GPN1: variants seen among roughly 807,000 people sequenced by gnomAD.
The protein encoded by GPN1 is GPN-loop GTPase 1.
A neutral mutation model predicts 55.9 loss-of-function variants in GPN1; 44 were observed. The ratio of observed to expected loss-of-function variants is 0.79; its 90% CI spans 0.62 to 1.01. The LOEUF is 1.01. Among genes scored for constraint, GPN1 ranks in the 50% least tolerant of loss-of-function variants. The probability of loss-of-function intolerance (pLI) is 0.00; values close to 1 mark genes in which losing one functional copy is unlikely to be tolerated. For synonymous variants in GPN1, 179 were observed against 162.5 expected (o/e 1.10, Z -0.77); for missense variants, 466 against 462.8 (o/e 1.01, Z -0.06).
chr2:27,639,948 C>T (rs1475941288), intron 9 of GPN1, 95 bp from the exon 10 acceptor site: 4 of 905,748 alleles, frequency 4.4e-6, no homozygotes, highest in Non-Finnish European at 7.2e-6. Flanking sequence ...ATAAACCACT[C>T]TTACTAAGAT....
At chr2:27,636,452 T>A (rs959007007) in intron 7 of GPN1, among the ~76,000 whole-genome samples, 1 of 152,198 alleles carries the variant, frequency 6.6e-6, no homozygotes, top group Non-Finnish European at 1.5e-5. Context: ...AATCTGAAGA[T>A]TGACAGCATT....
Position 27,635,048 on chromosome 2 carries a change from A to G in GPN1, c.430-92A>G, listed in dbSNP as rs1053476327. 3 of 970,738 alleles carry G rather than the reference A, an allele frequency of 3.1e-6. No homozygotes were observed. The African/African-American group carries it at 4.8e-5, about 16-fold the overall frequency. The allele number at this position is 970,738 out of a possible 1,614,324, so 60.1% of individuals were successfully genotyped here. On this transcript the variant is annotated intron_variant, in intron 6 of 13. Transcript: ENST00000610189. ...TAGAAGCTCTGCACACCCTGCCTAA[A>G]GTGGTTTTCCCTTGTTAAGGATGGT...
At chr2:27,635,298 C>CACATTTTT in intron 7 of GPN1, 64 bp downstream of exon 7, 1 of 445,288 alleles carries the variant, frequency 2.2e-6, no homozygotes, top group Non-Finnish European at 3.6e-6. Flanking sequence ...CTTCTTCTTC[C>CACATTTTT]TCTTTTTTTT....
chr2:27,636,608 C>T (rs1163506412), intron 7 of GPN1, among the ~76,000 whole-genome samples: 1 of 152,102 alleles, frequency 6.6e-6, no homozygotes, highest in African/African-American at 2.4e-5. Flanking sequence ...GATTCTCCTG[C>T]CTCAGCTTCC....
At position 27,643,175 on chromosome 2, in the gene GPN1, ATT is replaced by A. The variant is rs1339545515; in HGVS notation, c.931+663_931+664del. ...TTTCTAACACTTTTAACCCTCCTCA[ATT>A]TTTTTTATAATTAAAAAAAATTTTT... On this transcript the variant is annotated intron_variant, in intron 12 of 13. Coordinates refer to ENST00000610189, the MANE Select transcript of GPN1 (RefSeq NM_007266.4). The surrounding 1 kb of genome is among the most constrained non-coding windows in gnomAD (Gnocchi z 4.0). Among the ~76,000 whole-genome samples the A allele has an allele frequency of 6.7e-6, 1 of 149,724 alleles. No individual in the cohort carries two copies. Among genetic ancestry groups the A allele is most frequent in the Non-Finnish European group, 1.5e-5 (1 of 67,432 alleles).
At chr2:27,640,167 C>T (rs762416859) in intron 10 of GPN1, 42 bp downstream of exon 10, 2 of 1,247,076 alleles carry the variant, frequency 1.6e-6, no homozygotes, top group African/African-American at 1.5e-5. Flanking sequence ...TTCTTAATAA[C>T]CTACAATTCT....
intron 2 of GPN1, among the ~76,000 whole-genome samples, chr2:27,630,154 G>A (rs987325652): frequency 6.6e-6 from 1 of 152,084 alleles, no homozygotes; most frequent in Non-Finnish European, 1.5e-5. Context: ...AGGCACGGTG[G>A]CAGGCACCTG....
intron 9 of GPN1, among the ~76,000 whole-genome samples, chr2:27,639,720 C>T (rs559593599): frequency 3.3e-4 from 50 of 152,068 alleles, no homozygotes; most frequent in African/African-American, 1.1e-3. Context: ...ACTGGGGTCT[C>T]GCTATGTTCC....
intron 2 of GPN1, among the ~76,000 whole-genome samples, chr2:27,630,414 A>G (rs1241773944): frequency 8.4e-6 from 1 of 119,024 alleles, no homozygotes; most frequent in African/African-American, 3.3e-5. Context: ...TTTTTTTTAG[A>G]CAGAGTCTCT....
In GPN1 at chr2:27,650,236, C is replaced by A; in HGVS notation, c.*36C>A. 1 of 1,281,106 alleles carries A rather than the reference C, an allele frequency of 7.8e-7. No homozygotes were observed. Among genetic ancestry groups the A allele is most frequent in the Non-Finnish European group, 1.1e-6 (1 of 881,212 alleles). 79.4% of individuals were successfully genotyped at this position (1,281,106 alleles called of 1,614,324 possible). A position where few individuals can be genotyped will look rare whatever the true frequency, so the allele number is the denominator to read the frequency against. On this transcript the variant is annotated 3_prime_UTR_variant, in exon 14 of 14. Transcript: ENST00000610189. ...CACACTTCACTTGTTTCTAGAAGTC[C>A]AGAATTTTGGACCTCCACGTGAAAG...
chr2:27,630,464 A>G (rs1186670507), intron 2 of GPN1, among the ~76,000 whole-genome samples: 2 of 133,820 alleles, frequency 1.5e-5, no homozygotes, highest in Admixed American at 8.9e-5. Context: ...TTCACAGGTC[A>G]CTGCAGCCTC....
intron 9 of GPN1, 142 bp from the exon 10 acceptor site, chr2:27,639,901 T>C (rs1365559594): frequency 1.4e-6 from 1 of 695,176 alleles, no homozygotes; most frequent in Non-Finnish European, 2.6e-6. Context: ...GTTTTGTTCT[T>C]TTTTAGCCTG....
chr2:27,640,586 T>A (rs550668392), intron 10 of GPN1, among the ~76,000 whole-genome samples: 2 of 152,250 alleles, frequency 1.3e-5, no homozygotes, highest in Admixed American at 6.5e-5. Context: ...ACAGCACTTA[T>A]CACAATTGCT....
intron 12 of GPN1, 79 bp from the exon 13 acceptor site, chr2:27,647,757 A>G: frequency 2.5e-6 from 2 of 809,190 alleles, no homozygotes; most frequent in South Asian, 2.9e-5. Flanking sequence ...TCATCCTGCC[A>G]GTTTATGATC....
chr2:27,630,989 T>G, intron 2 of GPN1, 38 bp from the exon 3 acceptor site: 1 of 940,102 alleles, frequency 1.1e-6, no homozygotes, highest in South Asian at 1.3e-5. Flanking sequence ...GGAATGTGTA[T>G]GTATTACATT....
intron 4 of GPN1, among the ~76,000 whole-genome samples, chr2:27,632,370 A>G (rs1222984595): frequency 1.3e-5 from 2 of 152,238 alleles, no homozygotes; most frequent in Non-Finnish European, 2.9e-5. Flanking sequence ...ACAAGAGATA[A>G]CAACTTGACA....
intron 10 of GPN1, among the ~76,000 whole-genome samples, chr2:27,641,027 TTG>T (rs1208064708): frequency 6.6e-6 from 1 of 152,180 alleles, no homozygotes; most frequent in Admixed American, 6.5e-5. Context: ...GCAGTCAGGA[TTG>T]TGTCTCCTGG....
In GPN1 at chr2:27,650,270, T is replaced by C; in HGVS notation, c.*70T>C. 1 of 855,726 alleles carries C rather than the reference T, an allele frequency of 1.2e-6. No individual in the cohort carries two copies. Among genetic ancestry groups the C allele is most frequent in the Non-Finnish European group, 2.0e-6 (1 of 511,748 alleles). 53.0% of individuals were successfully genotyped at this position (855,726 alleles called of 1,614,324 possible). On this transcript the variant is annotated 3_prime_UTR_variant, in exon 14 of 14. Transcript: ENST00000610189. ...GGACCTCCACGTGAAAGAACTGTTCTTACCTCTGAACTGGGGGCTCCCATA... is the reference window on the plus strand; with the variant it reads ...GGACCTCCACGTGAAAGAACTGTTCCTACCTCTGAACTGGGGGCTCCCATA...
At chr2:27,628,283 G>T, upstream of GPN1, 1 of 1,030,636 alleles carries the variant, frequency 9.7e-7, no homozygotes. Flanking sequence ...GAAACAGACT[G>T]GGTGGTCAGG....
Sources: allele counts gnomAD v4.1 joint callset (sites outside exome capture counted in the v4.1 genomes callset), GRCh38; gene constraint gnomAD v4.1.1; non-coding constraint Gnocchi (gnomAD v3.1); transcripts MANE v1.5; gene names NCBI Gene and HGNC (gene_info 2026-07-23, HGNC 2026-07-21).